The following TBCK variants were observed in gnomAD, a reference collection of about 807,000 sequenced individuals.
TBCK encodes the protein TBC domain-containing protein kinase-like protein.
A neutral mutation model predicts 113.4 loss-of-function variants in TBCK; 99 were observed. The observed-to-expected ratio is 0.87, with a 90% CI of 0.74 to 1.03. The LOEUF (loss-of-function observed/expected upper bound fraction) is 1.03, where lower values mean the gene tolerates loss of function less well. Ranked by LOEUF, TBCK falls within the 50% of genes least tolerant of loss-of-function variation. The pLI is 0.00. For synonymous variants in TBCK, 369 were observed against 370.8 expected, an observed-to-expected ratio of 1.00 and a Z score of 0.05; for missense variants, 1,045 against 1,061.3, an observed-to-expected ratio of 0.98 and a Z score of 0.21.
At chr4:106,232,229 T>C (rs1456095060) in intron 17 of TBCK, among the ~76,000 whole-genome samples, 5 of 151,844 alleles carry the variant, frequency 3.3e-5, no homozygotes, top group African/African-American at 7.2e-5. Context: ...TGACATTTCT[T>C]TTATTGATAA....
chr4:106,088,985 C>T (rs1411055588), intron 25 of TBCK, among the ~76,000 whole-genome samples: 1 of 151,732 alleles, frequency 6.6e-6, no homozygotes, highest in African/African-American at 2.4e-5. Flanking sequence ...CAGCAAACCA[C>T]CATGGCACAC....
intron 3 of TBCK, among the ~76,000 whole-genome samples, chr4:106,262,533 A>G (rs1762606011): frequency 1.3e-5 from 2 of 152,062 alleles, no homozygotes; most frequent in South Asian, 4.1e-4. Context: ...GGCTTCGCCA[A>G]ATTATCAGGT....
In TBCK at chr4:106,077,990, C is replaced by G. The variant is rs1463231300; in HGVS notation, c.2571+17492G>C. Among the ~76,000 whole-genome samples, 6 of 152,222 alleles carry G rather than the reference C, an allele frequency of 3.9e-5. No homozygotes were observed. In the East Asian group the frequency reaches 1.2e-3, roughly 29 times the overall value. On this transcript the variant is annotated intron_variant, in intron 25 of 25. Transcript: ENST00000394708. The stretch of plus-strand genomic sequence containing the variant: ...AGCATAGTAAAAACAGCAATCAATA[C>G]TAAGATCTATTAAAACCATACAATT...
chr4:106,117,846 A>G (rs1743727901), intron 23 of TBCK, among the ~76,000 whole-genome samples: 1 of 152,044 alleles, frequency 6.6e-6, no homozygotes, highest in South Asian at 2.1e-4. Context: ...TGTCTCTACT[A>G]AAAATACAAA....
chr4:106,271,250 C>G (rs1763441944), intron 3 of TBCK, among the ~76,000 whole-genome samples: 1 of 152,034 alleles, frequency 6.6e-6, no homozygotes, highest in Non-Finnish European at 1.5e-5. Context: ...TAAGAAAAAG[C>G]TCTTATCCAT....
chr4:106,102,035 C>G (rs953359651), intron 24 of TBCK, among the ~76,000 whole-genome samples: 1 of 152,100 alleles, frequency 6.6e-6, no homozygotes, highest in Admixed American at 6.5e-5. Flanking sequence ...TGATTTTTAC[C>G]TAGATTAACA....
At chr4:106,169,823 G>A (rs1427989003) in intron 23 of TBCK, among the ~76,000 whole-genome samples, 2 of 152,038 alleles carry the variant, frequency 1.3e-5, no homozygotes, top group Admixed American at 6.6e-5. Context: ...GGGGATAATG[G>A]GAGATAGTGA....
chr4:106,157,368 G>GT (rs1749252354), intron 23 of TBCK, among the ~76,000 whole-genome samples: 1 of 152,050 alleles, frequency 6.6e-6, no homozygotes, highest in Non-Finnish European at 1.5e-5. Flanking sequence ...AACAGGTTAC[G>GT]TGCCTCCTTA....
chr4:106,233,622 A>T lies in TBCK; in HGVS notation c.1478T>A (p.Ile493Asn). 6.2e-7 allele frequency: 1 copy of T among 1,611,286 alleles called. No individual in the cohort carries two copies. Among genetic ancestry groups the T allele is most frequent in the Non-Finnish European group, 8.5e-7 (1 of 1,178,462 alleles). ...EGAIHAKYDAIDKDTPIPTDR... is the reference protein window; with the variant it reads ...EGAIHAKYDANDKDTPIPTDR... Reference sequence around the variant, plus strand: ...TGTAGGAATTGGAGTGTCTTTATCAATTGCATCGTACTTGGCATGAATAGC... The same window carrying T: ...TGTAGGAATTGGAGTGTCTTTATCATTTGCATCGTACTTGGCATGAATAGC... Residue 493 changes from isoleucine to asparagine, a missense_variant, in exon 16 of 26, where the codon ATT becomes AAT. By Grantham distance (149) the Ile-to-Asn change is moderately radical. Transcript: ENST00000394708.
intron 12 of TBCK, among the ~76,000 whole-genome samples, chr4:106,240,950 T>C (rs1278474495): frequency 6.6e-6 from 1 of 152,010 alleles, no homozygotes; most frequent in African/African-American, 2.4e-5. Flanking sequence ...GCAGTCTCTA[T>C]CGCAACTACT....
At chr4:106,280,151 G>C (rs1579492695) in intron 3 of TBCK, among the ~76,000 whole-genome samples, 1 of 152,022 alleles carries the variant, frequency 6.6e-6, no homozygotes, top group Non-Finnish European at 1.5e-5. Flanking sequence ...TGATATCTTA[G>C]TGTAGTTTTG....
intron 25 of TBCK, among the ~76,000 whole-genome samples, chr4:106,069,973 T>G (rs1737174405): frequency 6.6e-6 from 1 of 152,188 alleles, no homozygotes; most frequent in Non-Finnish European, 1.5e-5. Context: ...ATGCTTGTGA[T>G]TTTTGCACAT....
intron 23 of TBCK, among the ~76,000 whole-genome samples, chr4:106,118,228 T>C (rs905045223): frequency 5.3e-5 from 8 of 152,168 alleles, no homozygotes; most frequent in Non-Finnish European, 7.4e-5. Flanking sequence ...ATAAACCATA[T>C]AAATCATTTA....
intron 24 of TBCK, among the ~76,000 whole-genome samples, chr4:106,109,008 G>GACAC (rs1217614549): frequency 8.1e-5 from 11 of 136,362 alleles, no homozygotes; most frequent in East Asian, 4.3e-4. Flanking sequence ...ATTCACAACT[G>GACAC]ACACACACAT....
At chr4:106,237,761 A>G (rs1004627980) in intron 12 of TBCK, among the ~76,000 whole-genome samples, 2 of 152,146 alleles carry the variant, frequency 1.3e-5, no homozygotes, top group Non-Finnish European at 2.9e-5. Flanking sequence ...ACCTTTAGGT[A>G]TATCTTTCAT....
intron 12 of TBCK, among the ~76,000 whole-genome samples, chr4:106,238,171 CAT>C (rs745781768): frequency 3.3e-5 from 5 of 151,962 alleles, no homozygotes; most frequent in African/African-American, 4.8e-5. Context: ...CAGCTGAAAT[CAT>C]ATATTTTGGA....
intron 23 of TBCK, among the ~76,000 whole-genome samples, chr4:106,162,386 T>C (rs1314821204): frequency 1.3e-5 from 2 of 152,160 alleles, no homozygotes; most frequent in African/African-American, 2.4e-5. Flanking sequence ...TAGTGCAAGC[T>C]GTTGGTGGAT....
intron 6 of TBCK, among the ~76,000 whole-genome samples, chr4:106,251,550 A>G (rs1761428538): frequency 6.6e-6 from 1 of 152,070 alleles, no homozygotes. Flanking sequence ...ATCTTGTTAA[A>G]CTTTTAATGG....
At chr4:106,150,138 G>A (rs1748308978) in intron 23 of TBCK, among the ~76,000 whole-genome samples, 1 of 152,216 alleles carries the variant, frequency 6.6e-6, no homozygotes, top group African/African-American at 2.4e-5. Context: ...GAGAGGCTTA[G>A]AGAGTGAGTA....
Sources: gnomAD v4.1 joint callset for allele counts (sites outside exome capture counted in the v4.1 genomes callset) on GRCh38, gnomAD v4.1.1 for gene constraint, MANE v1.5 for transcripts, NCBI Gene and HGNC (gene_info 2026-07-23, HGNC 2026-07-21) for gene names.